Variants in ZNF718 observed in about 807,000 individuals in gnomAD.
The protein encoded by ZNF718 is zinc finger protein 718.
A neutral mutation model predicts 2.6 loss-of-function variants in ZNF718; 3 were observed. That is an observed-to-expected ratio of 1.16 (90% confidence interval 0.53 to 3.01). The LOEUF (loss-of-function observed/expected upper bound fraction) is 3.01. Ranked by LOEUF, ZNF718 falls within the 30% of genes most tolerant of loss-of-function variation. The pLI is 0.03. For synonymous variants in ZNF718, 135 were observed against 77.9 expected, an observed-to-expected ratio of 1.73 and a Z score of -3.86; for missense variants, 468 against 230.0, an observed-to-expected ratio of 2.03 and a Z score of -6.69.
At chr4:190,429 C>CA (rs368848803) in intron 3 of ZNF718, among the ~76,000 whole-genome samples, 1,904 of 48,720 alleles carry the variant, frequency 0.039, 49 homozygotes, top group African/African-American at 0.11. Context: ...AACTCCATCT[C>CA]AAAAAAAAAA....
chr4:174,856 A>G (rs1717316687), intron 3 of ZNF718, among the ~76,000 whole-genome samples: 2 of 152,204 alleles, frequency 1.3e-5, no homozygotes, highest in African/African-American at 4.8e-5. Context: ...GTTAGTGGCA[A>G]AAGCCCTAGG....
chr4:190,682 GAGA>G (rs1213779503), intron 3 of ZNF718, among the ~76,000 whole-genome samples: 2 of 152,214 alleles, frequency 1.3e-5, no homozygotes, highest in African/African-American at 2.4e-5. Flanking sequence ...AGCAGAAAAG[GAGA>G]AGAAGTTATA....
intron 3 of ZNF718, among the ~76,000 whole-genome samples, chr4:191,342 G>T (rs976534930): frequency 6.6e-6 from 1 of 151,668 alleles, no homozygotes; most frequent in African/African-American, 2.4e-5. Context: ...AGTAGAGACG[G>T]GGTTTTACCA....
rs1717023900 is a variant in ZNF718, at chr4:164,002, T to C, written c.*1880T>C. Reference sequence around the variant, plus strand: ...TTCATCACCTCAAGCATTTATCCTTTGTATTACAAACAATCCAATTATACA... The same window carrying C: ...TTCATCACCTCAAGCATTTATCCTTCGTATTACAAACAATCCAATTATACA... On this transcript the variant is annotated 3_prime_UTR_variant, in exon 4 of 4. Transcript: ENST00000510175. The C allele has an allele frequency of 6.6e-6, 1 of 152,128 alleles. No homozygotes were observed. The highest frequency in any genetic ancestry group is 2.4e-5 in the African/African-American group (1 of 41,462). 9.4% of individuals were successfully genotyped at this position (152,128 alleles called of 1,614,324 possible). A position where few individuals can be genotyped will look rare whatever the true frequency, so the allele number is the denominator to read the frequency against.
chr4:148,032 G>A (rs1374252217), intron 3 of ZNF718, among the ~76,000 whole-genome samples: 1 of 152,142 alleles, frequency 6.6e-6, no homozygotes, highest in African/African-American at 2.4e-5. Flanking sequence ...GAAAAGGTGT[G>A]GAACTGATTC....
chr4:196,516 A>C (rs1717795450), intron 3 of ZNF718, among the ~76,000 whole-genome samples: 1 of 152,168 alleles, frequency 6.6e-6, no homozygotes, highest in African/African-American at 2.4e-5. Context: ...GGTAAGGAGA[A>C]TTTTGAGGCT....
At chr4:201,512 A>C (rs189779485) in intron 4 of ZNF718, 172 of 154,204 alleles carry the variant, frequency 1.1e-3, no homozygotes, top group Non-Finnish European at 1.8e-3. Flanking sequence ...GATCAGTGAA[A>C]AGTGCTCCTT....
At chr4:197,707 G>A in intron 3 of ZNF718, among the ~76,000 whole-genome samples, 1 of 152,194 alleles carries the variant, frequency 6.6e-6, no homozygotes, top group East Asian at 1.9e-4. Flanking sequence ...CATAAGGGCA[G>A]AACTGCACTC....
chr4:179,145 C>T (rs1390354974), intron 3 of ZNF718, among the ~76,000 whole-genome samples: 1 of 152,102 alleles, frequency 6.6e-6, no homozygotes, highest in East Asian at 1.9e-4. Flanking sequence ...GAGAGTCTGA[C>T]CTTTTCTTCA....
intron 3 of ZNF718, among the ~76,000 whole-genome samples, chr4:197,580 A>G (rs1717817748): frequency 6.6e-6 from 1 of 152,192 alleles, no homozygotes; most frequent in South Asian, 2.1e-4. Flanking sequence ...AATGATGCCT[A>G]CATTTGCACA....
intron 3 of ZNF718, among the ~76,000 whole-genome samples, chr4:135,805 C>T (rs73793527): frequency 0.016 from 1,873 of 120,788 alleles, 47 homozygotes; most frequent in African/African-American, 0.052. Context: ...TGGAGAGCTT[C>T]GTTTTCCTTT....
chr4:156,786 AT>A (rs1169410043), intron 3 of ZNF718, among the ~76,000 whole-genome samples: 5 of 151,756 alleles, frequency 3.3e-5, no homozygotes, highest in African/African-American at 1.2e-4. Context: ...TCATTAGATT[AT>A]TTTTTGCTTC....
At chr4:148,211 C>G (rs1230561181) in intron 3 of ZNF718, among the ~76,000 whole-genome samples, 1 of 152,134 alleles carries the variant, frequency 6.6e-6, no homozygotes, top group Non-Finnish European at 1.5e-5. Context: ...TAAAGTCAGC[C>G]AGCATGCCTA....
intron 3 of ZNF718, among the ~76,000 whole-genome samples, chr4:138,715 A>G (rs1553809801): frequency 6.6e-6 from 1 of 151,922 alleles, no homozygotes; most frequent in African/African-American, 2.4e-5. Flanking sequence ...ACTGGTCTCC[A>G]TGGTCATTGT....
intron 3 of ZNF718, among the ~76,000 whole-genome samples, chr4:142,401 GA>G (rs1218029251): frequency 6.6e-6 from 1 of 152,176 alleles, no homozygotes; most frequent in Non-Finnish European, 1.5e-5. Flanking sequence ...AATAAAAGAT[GA>G]AAGCCCAGTC....
chr4:143,977 C>A (rs1164185761), intron 3 of ZNF718, among the ~76,000 whole-genome samples: 2 of 152,108 alleles, frequency 1.3e-5, no homozygotes, highest in African/African-American at 4.8e-5. Flanking sequence ...GGCAGGAAAA[C>A]GGTCTGGAGG....
chr4:196,290 G>A lies in ZNF718; in HGVS notation c.227-4791G>A, dbSNP rs538101408. 1.9e-3 allele frequency among the ~76,000 whole-genome samples: 296 copies of A among 152,300 alleles called. 1 individual carries two copies. The highest frequency in any genetic ancestry group is 6.8e-3 in the Middle Eastern group (2 of 294). ...CAAACTTGGGGCCCTGGCAAGGGTG[G>A]TGGGGAACAGGTCCCACATAACTGC... is the stretch of plus-strand genomic sequence containing the variant. On this transcript the variant is annotated intron_variant and NMD_transcript_variant, in intron 3 of 4. Transcript: ENST00000642529.
At chr4:157,027 G>T (rs1553813794) in intron 3 of ZNF718, among the ~76,000 whole-genome samples, 1 of 148,748 alleles carries the variant, frequency 6.7e-6, no homozygotes, top group Non-Finnish European at 1.5e-5. Flanking sequence ...AGCTTTGTAT[G>T]TGTTTTGAAA....
At position 130,932 on chromosome 4, in the gene ZNF718, A is replaced by G; in HGVS notation, c.130+18A>G. 3.1e-6 allele frequency: 1 copy of G among 322,502 alleles called. No homozygotes were observed. 20.0% of individuals were successfully genotyped at this position (322,502 alleles called of 1,614,324 possible). A position where few individuals can be genotyped will look rare whatever the true frequency, so the allele number is the denominator to read the frequency against. On this transcript the variant is annotated intron_variant, in intron 2 of 3. Coordinates refer to ENST00000510175, the MANE Select transcript of ZNF718 (RefSeq NM_001039127.6). Reference sequence around the variant, plus strand: ...CTCCCTGGGTAAGGATAACTTTAATATGTAATTCCTAATACTTTTTCAGAA... The same window carrying G: ...CTCCCTGGGTAAGGATAACTTTAATGTGTAATTCCTAATACTTTTTCAGAA...
Sources: gnomAD v4.1 joint callset for allele counts (sites outside exome capture counted in the v4.1 genomes callset) on GRCh38, gnomAD v4.1.1 for gene constraint, MANE v1.5 for transcripts, NCBI Gene and HGNC (gene_info 2026-07-23, HGNC 2026-07-21) for gene names.